APBA1: variants seen among roughly 807,000 people sequenced by gnomAD.
The protein encoded by APBA1 is amyloid-beta A4 precursor protein-binding family A member 1.
APBA1 carries 55 observed loss-of-function variants against 86.6 expected under a neutral mutation model. The observed-to-expected ratio is 0.64, with a 90% CI of 0.51 to 0.80. APBA1 has a LOEUF of 0.80. Ranked by LOEUF, APBA1 falls within the 30% of genes least tolerant of loss-of-function variation. The pLI, the probability that APBA1 is intolerant of heterozygous loss-of-function variation, is 0.00. For synonymous variants in APBA1, 511 were observed against 493.9 expected, an observed-to-expected ratio of 1.03 and a Z score of -0.46; for missense variants, 1,090 against 1,183.0, an observed-to-expected ratio of 0.92 and a Z score of 1.15.
intron 1 of APBA1, among the ~76,000 whole-genome samples, chr9:69,663,810 A>T (rs975119389): frequency 2.6e-5 from 4 of 152,158 alleles, no homozygotes; most frequent in Non-Finnish European, 5.9e-5. Flanking sequence ...TCCTGTGATC[A>T]CTTTACATAT....
Position 69,457,198 on chromosome 9 carries a change from G to T in APBA1, c.1516-59C>A, listed in dbSNP as rs996036145. The T allele has an allele frequency of 3.8e-6, 5 of 1,332,750 alleles. No individual in the cohort carries two copies. In the Admixed American group the frequency reaches 8.4e-5, roughly 22 times the overall value. The allele number at this position is 1,332,750 out of a possible 1,614,324, so 82.6% of individuals were successfully genotyped here. A position where few individuals can be genotyped will look rare whatever the true frequency, so the allele number is the denominator to read the frequency against. On this transcript the variant is annotated intron_variant, in intron 6 of 12. Coordinates refer to ENST00000265381, the MANE Select transcript of APBA1 (RefSeq NM_001163.4). ...ACCACACTACCCTGACCCAGATGCAGAAGGAGTAAGGTTAGCTCACACAGA... is the reference window on the plus strand; with the variant it reads ...ACCACACTACCCTGACCCAGATGCATAAGGAGTAAGGTTAGCTCACACAGA...
At chr9:69,434,470 A>T (rs1289962875) in intron 11 of APBA1, among the ~76,000 whole-genome samples, 1 of 152,016 alleles carries the variant, frequency 6.6e-6, no homozygotes, top group Admixed American at 6.6e-5. Flanking sequence ...GCACTTTGGG[A>T]GGCAGAGGCA....
intron 2 of APBA1, among the ~76,000 whole-genome samples, chr9:69,497,079 G>T (rs762688835): frequency 1.3e-5 from 2 of 152,064 alleles, no homozygotes; most frequent in Admixed American, 6.5e-5. Context: ...TGGTACAAAA[G>T]AACTTAGAAT....
At chr9:69,460,176 T>C (rs1325024440) in intron 5 of APBA1, among the ~76,000 whole-genome samples, 2 of 152,182 alleles carry the variant, frequency 1.3e-5, no homozygotes, top group African/African-American at 2.4e-5. Context: ...AGACACCACA[T>C]AGCGAATCTC....
At chr9:69,571,096 T>A (rs1266076856) in intron 1 of APBA1, among the ~76,000 whole-genome samples, 2 of 152,196 alleles carry the variant, frequency 1.3e-5, no homozygotes, top group African/African-American at 4.8e-5. Flanking sequence ...GGGTGGGATG[T>A]CAAGCAGAAA....
chr9:69,459,538 A>C (rs1334726439), intron 5 of APBA1, among the ~76,000 whole-genome samples: 1 of 152,212 alleles, frequency 6.6e-6, no homozygotes, highest in Admixed American at 6.5e-5. Context: ...TTTTATCTCC[A>C]GTAATACTTC....
At chr9:69,495,932 C>G (rs1363618565) in intron 2 of APBA1, among the ~76,000 whole-genome samples, 1 of 152,074 alleles carries the variant, frequency 6.6e-6, no homozygotes, top group Non-Finnish European at 1.5e-5. Context: ...GGGCCTGAGA[C>G]AGCCTCATGC....
intron 1 of APBA1, among the ~76,000 whole-genome samples, chr9:69,543,225 C>T (rs1367666623): frequency 6.6e-6 from 1 of 151,676 alleles, no homozygotes; most frequent in Non-Finnish European, 1.5e-5. Flanking sequence ...GCCTGGACTG[C>T]GGGCTGCTGG....
In APBA1 at chr9:69,517,056, T is replaced by G; in HGVS notation, c.155A>C (p.Gln52Pro). The G allele has an allele frequency of 6.3e-7, 1 of 1,583,802 alleles. No homozygotes were observed. Among genetic ancestry groups the G allele is most frequent in the Non-Finnish European group, 8.5e-7 (1 of 1,171,176 alleles). Residue 52 changes from glutamine (Q) to proline (P), a missense_variant, in exon 2 of 13, where the codon CAG becomes CCG. Gln to Pro is a moderately conservative substitution (Grantham distance 76). Around this residue, in one of 6 missense-constraint regions of APBA1, gnomAD observed 678 missense variants for 647.1 expected, o/e 1.05. Coordinates refer to ENST00000265381, the MANE Select transcript of APBA1 (RefSeq NM_001163.4). ...GAGGTCCTCGAGGGCTCGCCCGCGCTGGTGGCGGCCCACATAGTGCTGCTG... is the reference window on the plus strand; with the variant it reads ...GAGGTCCTCGAGGGCTCGCCCGCGCGGGTGGCGGCCCACATAGTGCTGCTG... ...PQQQHYVGRH[Q>P]RGRALEDLRA... is the part of the protein sequence containing the mutation.
At chr9:69,668,056 CTTCT>C (rs1323299519) in intron 1 of APBA1, among the ~76,000 whole-genome samples, 3 of 152,134 alleles carry the variant, frequency 2.0e-5, no homozygotes, top group African/African-American at 7.2e-5. Context: ...TTCCTGTCCT[CTTCT>C]TTCTCTTTCC....
rs543059296 is a variant in APBA1 at position 69,500,681 on chromosome 9, TA to T, written c.1200+15329del. ...TTAAACTCTGGTCCACAGCTTAAGC[TA>T]GCACTTACCAATTTTGACTGAATCT... is the stretch of plus-strand genomic sequence containing the variant. On this transcript the variant is annotated intron_variant, in intron 2 of 12. Transcript: ENST00000265381. Among the ~76,000 whole-genome samples the T allele has an allele frequency of 9.2e-4, 140 of 152,196 alleles. 1 individual carries two copies. Among genetic ancestry groups the T allele is most frequent in the African/African-American group, 3.2e-3 (134 of 41,532 alleles).
At chr9:69,598,076 C>T (rs1418409688) in intron 1 of APBA1, among the ~76,000 whole-genome samples, 9 of 151,582 alleles carry the variant, frequency 5.9e-5, no homozygotes, top group Non-Finnish European at 2.9e-5. Flanking sequence ...AAATGTGGCA[C>T]ATATACACCA....
intron 1 of APBA1, among the ~76,000 whole-genome samples, chr9:69,625,129 C>T (rs12349674): frequency 9.7e-4 from 147 of 152,290 alleles, no homozygotes; most frequent in African/African-American, 3.4e-3. Flanking sequence ...GGACCACTTT[C>T]CCCATTCCTA....
intron 10 of APBA1, among the ~76,000 whole-genome samples, chr9:69,444,953 G>A (rs1339508014): frequency 1.3e-5 from 2 of 152,188 alleles, no homozygotes; most frequent in African/African-American, 4.8e-5. Context: ...CACACACCAG[G>A]AGACCAGGAA....
chr9:69,568,961 A>AGAGCTGAGTCTTTGC (rs1168804280), intron 1 of APBA1, among the ~76,000 whole-genome samples: 36 of 152,232 alleles, frequency 2.4e-4, no homozygotes, highest in Admixed American at 2.4e-3. Context: ...ACTTTCCACA[A>AGAGCTGAGTCTTTGC]GAGCTGAGTC....
chr9:69,655,454 G>GA (rs559571079), intron 1 of APBA1, among the ~76,000 whole-genome samples: 5 of 150,816 alleles, frequency 3.3e-5, no homozygotes, highest in African/African-American at 7.3e-5. Context: ...CAAACTATTC[G>GA]AAAAAAAATC....
chr9:69,491,605 TAA>T (rs199676293), intron 2 of APBA1, among the ~76,000 whole-genome samples: 2 of 144,850 alleles, frequency 1.4e-5, no homozygotes, highest in Admixed American at 6.8e-5. Flanking sequence ...AAGTATTATT[TAA>T]AAAAAAAAAA....
chr9:69,643,009 C>A (rs185512925), intron 1 of APBA1, among the ~76,000 whole-genome samples: 9 of 151,174 alleles, frequency 6.0e-5, no homozygotes, highest in Admixed American at 3.3e-4. Context: ...ACACACACAC[C>A]CCCGCCACAA....
intron 1 of APBA1, among the ~76,000 whole-genome samples, chr9:69,623,281 A>G (rs969975244): frequency 4.6e-5 from 7 of 152,114 alleles, no homozygotes; most frequent in African/African-American, 1.7e-4. Context: ...GTGATTCTGC[A>G]GGTTCAAGGA....
Sources: allele counts gnomAD v4.1 joint callset (sites outside exome capture counted in the v4.1 genomes callset), GRCh38; gene constraint gnomAD v4.1.1; regional missense constraint gnomAD v4.1.1; transcripts MANE v1.5; gene names NCBI Gene and HGNC (gene_info 2026-07-23, HGNC 2026-07-21).